MDGA2: variants seen among roughly 807,000 people sequenced by gnomAD.
MDGA2 encodes MAM domain-containing glycosylphosphatidylinositol anchor protein 2.
Under a neutral mutation model 117.8 loss-of-function variants are expected in MDGA2, and 40 were observed. The observed-to-expected ratio is 0.34, with a 90% CI of 0.26 to 0.44. The LOEUF is 0.44. Among genes scored for constraint, MDGA2 ranks in the 20% least tolerant of loss-of-function variants. MDGA2 has a pLI of 1.00. For missense variants in MDGA2, 1,123 were observed against 1,250.6 expected, an observed-to-expected ratio of 0.90 and a Z score of 1.54; for synonymous variants, 452 against 439.0, an observed-to-expected ratio of 1.03 and a Z score of -0.37.
At chr14:47,544,366 T>C in intron 1 of MDGA2, among the ~76,000 whole-genome samples, 1 of 152,190 alleles carries the variant, frequency 6.6e-6, no homozygotes, top group East Asian at 1.9e-4. Context: ...TATAATAAAA[T>C]ATATGCTTCC....
At chr14:47,487,916 A>G (rs1894093422) in intron 1 of MDGA2, among the ~76,000 whole-genome samples, 2 of 152,092 alleles carry the variant, frequency 1.3e-5, no homozygotes, top group Non-Finnish European at 2.9e-5. Flanking sequence ...ATTATCATTT[A>G]TTTTTATGTA....
chr14:46,915,695 C>T (rs1301529891), intron 10 of MDGA2, among the ~76,000 whole-genome samples: 2 of 152,134 alleles, frequency 1.3e-5, no homozygotes, highest in Admixed American at 6.5e-5. Flanking sequence ...CAGGGTCACG[C>T]CTGCTTCCAC....
At chr14:47,065,662 A>G (rs1247914828) in intron 6 of MDGA2, among the ~76,000 whole-genome samples, 1 of 152,234 alleles carries the variant, frequency 6.6e-6, no homozygotes, top group Non-Finnish European at 1.5e-5. Flanking sequence ...TAGTAATTCA[A>G]TAATAAACTA....
chr14:46,992,555 T>G (rs1181430972), intron 8 of MDGA2, among the ~76,000 whole-genome samples: 1 of 152,200 alleles, frequency 6.6e-6, no homozygotes, highest in Non-Finnish European at 1.5e-5. Context: ...ATGCTTAAAT[T>G]TATTATGCAT....
intron 1 of MDGA2, among the ~76,000 whole-genome samples, chr14:47,647,120 T>C (rs1897549101): frequency 6.6e-6 from 1 of 152,170 alleles, no homozygotes; most frequent in Non-Finnish European, 1.5e-5. Context: ...TAAAAATAAA[T>C]GTTTGTATCC....
intron 1 of MDGA2, among the ~76,000 whole-genome samples, chr14:47,612,406 G>A (rs1896867636): frequency 6.6e-6 from 1 of 152,032 alleles, no homozygotes; most frequent in Non-Finnish European, 1.5e-5. Flanking sequence ...AAGTTGTTAT[G>A]TTTCTAATAC....
intron 1 of MDGA2, among the ~76,000 whole-genome samples, chr14:47,394,028 T>G (rs1891953479): frequency 6.6e-6 from 1 of 152,112 alleles, no homozygotes; most frequent in African/African-American, 2.4e-5. Context: ...CAAAATTGCT[T>G]GTGAACCTGC....
At chr14:47,034,404 TAA>T (rs1566584514) in intron 8 of MDGA2, among the ~76,000 whole-genome samples, 1 of 152,152 alleles carries the variant, frequency 6.6e-6, no homozygotes, top group Admixed American at 6.6e-5. Context: ...AATTACCCGC[TAA>T]GATTAAATCA....
intron 15 of MDGA2, among the ~76,000 whole-genome samples, chr14:46,851,924 A>G (rs1207482165): frequency 6.6e-6 from 1 of 151,468 alleles, no homozygotes; most frequent in Non-Finnish European, 1.5e-5. Flanking sequence ...AAAACTTTTT[A>G]TAAAACAATT....
chr14:47,603,715 T>C (rs1372604784), intron 1 of MDGA2, among the ~76,000 whole-genome samples: 1 of 152,098 alleles, frequency 6.6e-6, no homozygotes, highest in Admixed American at 6.6e-5. Flanking sequence ...CTGATATGAT[T>C]TGGATGTGTC....
At chr14:46,950,490 G>A (rs887531009) in intron 9 of MDGA2, among the ~76,000 whole-genome samples, 1 of 151,902 alleles carries the variant, frequency 6.6e-6, no homozygotes, top group Non-Finnish European at 1.5e-5. Context: ...ATCATTTTCT[G>A]CTTAAAGTTA....
At chr14:46,897,440 A>G (rs1883118229) in intron 10 of MDGA2, among the ~76,000 whole-genome samples, 2 of 152,164 alleles carry the variant, frequency 1.3e-5, no homozygotes, top group Admixed American at 1.3e-4. Flanking sequence ...ATGGCAAATA[A>G]CTACAACATT....
chr14:47,205,452 T>C (rs1399156134), intron 3 of MDGA2, among the ~76,000 whole-genome samples: 1 of 152,070 alleles, frequency 6.6e-6, no homozygotes, highest in African/African-American at 2.4e-5. Flanking sequence ...GGTACATTAT[T>C]AAAATTATTC....
intron 1 of MDGA2, among the ~76,000 whole-genome samples, chr14:47,557,363 G>A (rs188221772): frequency 9.2e-5 from 14 of 152,232 alleles, no homozygotes; most frequent in Non-Finnish European, 1.5e-4. Flanking sequence ...AAATTGGTGT[G>A]TCATTTTATC....
chr14:47,290,069 A>G (rs1019535396), intron 2 of MDGA2, among the ~76,000 whole-genome samples: 23 of 152,084 alleles, frequency 1.5e-4, no homozygotes, highest in Non-Finnish European at 2.9e-4. Flanking sequence ...GATTTAGTTC[A>G]AGTAAAAGAC....
intron 2 of MDGA2, among the ~76,000 whole-genome samples, chr14:47,256,178 T>A (rs1170775153): frequency 6.6e-6 from 1 of 150,750 alleles, no homozygotes; most frequent in Non-Finnish European, 1.5e-5. Flanking sequence ...CAACCTATAA[T>A]ACCTTCCTTT....
intron 3 of MDGA2, among the ~76,000 whole-genome samples, chr14:47,216,921 G>C (rs1479507100): frequency 6.6e-6 from 1 of 151,938 alleles, no homozygotes; most frequent in African/African-American, 2.4e-5. Flanking sequence ...GGGATGAGGG[G>C]CAGGGGGCCT....
intron 1 of MDGA2, among the ~76,000 whole-genome samples, chr14:47,476,336 T>A (rs1893836622): frequency 6.6e-6 from 1 of 151,888 alleles, no homozygotes; most frequent in Non-Finnish European, 1.5e-5. Context: ...TCCTAAACAA[T>A]AAAATAATGT....
At chr14:47,663,163 C>G (rs1566564447) in intron 1 of MDGA2, among the ~76,000 whole-genome samples, 1 of 152,202 alleles carries the variant, frequency 6.6e-6, no homozygotes, top group Admixed American at 6.5e-5. Context: ...TAACTTAACT[C>G]ATTCTGAGAT....
Sources: allele counts gnomAD v4.1 joint callset (sites outside exome capture counted in the v4.1 genomes callset), GRCh38; gene constraint gnomAD v4.1.1; transcripts MANE v1.5; gene names NCBI Gene and HGNC (gene_info 2026-07-23, HGNC 2026-07-21).